FRMD1: variants seen among roughly 807,000 people sequenced by gnomAD.
FRMD1 encodes FERM domain-containing protein 1.
Under a neutral mutation model 54.9 loss-of-function variants are expected in FRMD1, and 51 were observed. The observed-to-expected ratio is 0.93, with a 90% CI of 0.74 to 1.17. The LOEUF is 1.17. Among genes scored for constraint, FRMD1 ranks in the 50% most tolerant of loss-of-function variants. FRMD1 has a pLI of 0.00. For synonymous variants in FRMD1, 324 were observed against 306.4 expected, an observed-to-expected ratio of 1.06 and a Z score of -0.60; for missense variants, 729 against 743.0, an observed-to-expected ratio of 0.98 and a Z score of 0.22.
chr6:168,083,556 C>T (rs748617840), upstream of FRMD1, among the ~76,000 whole-genome samples: 2 of 152,230 alleles, frequency 1.3e-5, no homozygotes, highest in African/African-American at 2.4e-5. Flanking sequence ...GAGAAGTCTG[C>T]CTGTTAGGAC....
intron 10 of FRMD1, among the ~76,000 whole-genome samples, chr6:168,057,894 G>GGTGGCA (rs1799496085): frequency 6.6e-6 from 1 of 152,250 alleles, no homozygotes; most frequent in Non-Finnish European, 1.5e-5. Flanking sequence ...CCTGGTGGCA[G>GGTGGCA]GTGGCAGGGG....
upstream of FRMD1, among the ~76,000 whole-genome samples, chr6:168,079,858 T>G (rs539579656): frequency 6.6e-6 from 1 of 152,320 alleles, no homozygotes; most frequent in East Asian, 1.9e-4. Flanking sequence ...CTGGAACCCC[T>G]GAGGCCGCTC....
intron 10 of FRMD1, among the ~76,000 whole-genome samples, chr6:168,058,778 G>A (rs530442140): frequency 1.3e-5 from 2 of 152,322 alleles, no homozygotes; most frequent in East Asian, 1.9e-4. Context: ...AGGGGACGGG[G>A]CAGCCAGTCT....
chr6:168,073,325 C>T (rs1360412783), intron 2 of FRMD1, among the ~76,000 whole-genome samples: 1 of 151,456 alleles, frequency 6.6e-6, no homozygotes. Flanking sequence ...GAGAGTCTGA[C>T]ACAGGAAGCC....
intron 10 of FRMD1, among the ~76,000 whole-genome samples, chr6:168,058,545 G>C (rs370505387): frequency 1.1e-4 from 17 of 151,998 alleles, no homozygotes; most frequent in African/African-American, 4.1e-4. Context: ...CCCTCCTGTG[G>C]TGGAGCCGGG....
chr6:168,067,648 T>G (rs761857977), intron 2 of FRMD1: 42 of 521,500 alleles, frequency 8.1e-5, no homozygotes, highest in Non-Finnish European at 1.3e-4. Context: ...AATGCTTGCT[T>G]ACTAAAACAA....
chr6:168,068,791 C>G (rs1216556118), intron 2 of FRMD1, among the ~76,000 whole-genome samples: 5 of 152,230 alleles, frequency 3.3e-5, no homozygotes, highest in Non-Finnish European at 5.9e-5. Flanking sequence ...TATGAAGATA[C>G]TCCATCCCCA....
intron 7 of FRMD1, chr6:168,062,530 C>G: frequency 1.2e-6 from 1 of 847,366 alleles, no homozygotes; most frequent in Admixed American, 2.8e-5. Context: ...CCCGTGAGGC[C>G]AGGACGGCCC....
chr6:168,057,525 A>G (rs1799477915), intron 10 of FRMD1, 186 bp from the exon 11 acceptor site: 12 of 787,612 alleles, frequency 1.5e-5, no homozygotes, highest in South Asian at 3.7e-5. Context: ...GAGGCTTGGC[A>G]TCTTCCTTTG....
chr6:168,088,311 G>A (rs12191603), intron 1 of FRMD1, among the ~76,000 whole-genome samples: 51,463 of 151,790 alleles, frequency 0.34, 9,055 homozygotes, highest in African/African-American at 0.43. Flanking sequence ...CTCGGGTTCA[G>A]TGCCTGCTCT....
At chr6:168,066,944 G>A (rs73028331) in intron 3 of FRMD1, 113 bp from the exon 4 acceptor site, 79,411 of 1,337,140 alleles carry the variant, frequency 0.059, 2,619 homozygotes, top group East Asian at 0.17. Context: ...TAAAGTCGAA[G>A]CTCAGGTGTC....
chr6:168,076,994 C>A (rs942140187), intron 1 of FRMD1, among the ~76,000 whole-genome samples: 5 of 152,050 alleles, frequency 3.3e-5, no homozygotes, highest in African/African-American at 4.8e-5. Flanking sequence ...TGCGTGCACA[C>A]CCCAACAGAG....
chr6:168,088,064 G>A (rs1358181292), intron 1 of FRMD1, among the ~76,000 whole-genome samples: 1 of 152,172 alleles, frequency 6.6e-6, no homozygotes, highest in South Asian at 2.1e-4. Flanking sequence ...CTCTGGTTCC[G>A]AGTCTCCCCC....
At chr6:168,060,559 A>G (rs1397813527) in intron 9 of FRMD1, among the ~76,000 whole-genome samples, 1 of 152,162 alleles carries the variant, frequency 6.6e-6, no homozygotes. Context: ...GGCTGCAGGC[A>G]GCTCCTCCCT....
At chr6:168,075,174 G>T in intron 2 of FRMD1, 71 bp downstream of exon 2, 3 of 1,275,044 alleles carry the variant, frequency 2.4e-6, no homozygotes, top group Non-Finnish European at 3.4e-6. Context: ...TGTGTGGTGT[G>T]CCCACCCCCT....
At chr6:168,069,374 T>C (rs968512644) in intron 2 of FRMD1, among the ~76,000 whole-genome samples, 3 of 152,236 alleles carry the variant, frequency 2.0e-5, no homozygotes, top group African/African-American at 4.8e-5. Context: ...ATATTTACTA[T>C]GTGGCCTTTT....
At chr6:168,087,049 A>C (rs1583214300) in intron 1 of FRMD1, among the ~76,000 whole-genome samples, 1 of 148,800 alleles carries the variant, frequency 6.7e-6, no homozygotes, top group Non-Finnish European at 1.5e-5. Context: ...GTTTTCAACC[A>C]CTGATTTCAG....
chr6:168,080,298 C>G (rs562344348), upstream of FRMD1, among the ~76,000 whole-genome samples: 1 of 143,748 alleles, frequency 7.0e-6, no homozygotes, highest in East Asian at 2.4e-4. Flanking sequence ...CCGCTCAGAT[C>G]CAGACCCTTC....
At chr6:168,075,746 A>G (rs1366026169) in intron 1 of FRMD1, 5 of 1,548,910 alleles carry the variant, frequency 3.2e-6, no homozygotes, top group Non-Finnish European at 4.4e-6. Context: ...CACATCATCC[A>G]TCGCCCAACT....
Sources: gnomAD v4.1 joint callset for allele counts (sites outside exome capture counted in the v4.1 genomes callset) on GRCh38, gnomAD v4.1.1 for gene constraint, MANE v1.5 for transcripts, NCBI Gene and HGNC (gene_info 2026-07-23, HGNC 2026-07-21) for gene names.